Variants in ST6GALNAC5 observed in about 807,000 individuals in gnomAD.
ST6GALNAC5 encodes the protein ST6 N-acetylgalactosaminide alpha-2,6-sialyltransferase 5, also known as alpha-N-acetylgalactosaminide alpha-2,6-sialyltransferase 5.
Under a neutral mutation model 33.6 loss-of-function variants are expected in ST6GALNAC5, and 27 were observed. The ratio of observed to expected loss-of-function variants is 0.80; its 90% CI spans 0.59 to 1.11. The LOEUF is 1.11. Ranked by LOEUF, ST6GALNAC5 falls within the 50% of genes least tolerant of loss-of-function variation. ST6GALNAC5 has a pLI of 0.00. For missense variants in ST6GALNAC5, 428 were observed against 454.0 expected (o/e 0.94, Z 0.52); for synonymous variants, 194 against 171.2 (o/e 1.13, Z -1.04).
At chr1:76,977,104 C>T (rs887009408) in intron 2 of ST6GALNAC5, among the ~76,000 whole-genome samples, 1 of 152,174 alleles carries the variant, frequency 6.6e-6, no homozygotes, top group African/African-American at 2.4e-5. Context: ...TCTCTTTCTT[C>T]ACTTATTTTT....
chr1:76,868,591 CGCA>C lies in ST6GALNAC5; in HGVS notation c.132_134del (p.Gln49del), dbSNP rs113832855. 4.6e-4 allele frequency: 731 copies of C among 1,591,114 alleles called. 14 individuals are homozygous for C. In the African/African-American group the frequency reaches 5.8e-3, roughly 13 times the overall value. On this transcript the variant is annotated inframe_deletion, in exon 2 of 5. Coordinates refer to ENST00000477717, the MANE Select transcript of ST6GALNAC5 (RefSeq NM_030965.3). The surrounding 1 kb of genome is among the most constrained non-coding windows in gnomAD (Gnocchi z 4.3). Reference sequence around the variant, plus strand: ...CTCGGCGGCCAGAAGGAGCGGCCCCCGCAGCAGCAGCAGCAGCAGCAGCAACAG... The same window carrying C: ...CTCGGCGGCCAGAAGGAGCGGCCCCCGCAGCAGCAGCAGCAGCAGCAACAG...
chr1:77,060,553 CT>C (rs1652542306), intron 4 of ST6GALNAC5, among the ~76,000 whole-genome samples: 1 of 152,240 alleles, frequency 6.6e-6, no homozygotes, highest in Admixed American at 6.5e-5. Context: ...CCAGAAAGCA[CT>C]TTTCTGCTGC....
intron 2 of ST6GALNAC5, among the ~76,000 whole-genome samples, chr1:77,037,900 A>G (rs1384467854): frequency 6.6e-6 from 1 of 152,174 alleles, no homozygotes; most frequent in Non-Finnish European, 1.5e-5. Context: ...AGGTATCAAG[A>G]AAGATCCTTG....
intron 2 of ST6GALNAC5, among the ~76,000 whole-genome samples, chr1:77,011,830 GATA>G (rs1390561684): frequency 2.0e-5 from 3 of 152,020 alleles, no homozygotes; most frequent in Non-Finnish European, 2.9e-5. Context: ...TAGTGATAAT[GATA>G]ATAATATAGT....
At chr1:76,999,104 A>T (rs978436642) in intron 2 of ST6GALNAC5, among the ~76,000 whole-genome samples, 1 of 152,106 alleles carries the variant, frequency 6.6e-6, no homozygotes, top group African/African-American at 2.4e-5. Context: ...TTTTGGATTC[A>T]ATGTGATATT....
chr1:76,914,916 G>A (rs1403140284), intron 2 of ST6GALNAC5, among the ~76,000 whole-genome samples: 1 of 151,936 alleles, frequency 6.6e-6, no homozygotes, highest in African/African-American at 2.4e-5. Context: ...CCTACAAAAT[G>A]GGAGAAAATT....
intron 2 of ST6GALNAC5, among the ~76,000 whole-genome samples, chr1:76,958,599 G>GT (rs1347742960): frequency 6.6e-6 from 1 of 152,042 alleles, no homozygotes; most frequent in East Asian, 1.9e-4. Context: ...ACACAGTGAA[G>GT]TTTTTTGTTG....
intron 2 of ST6GALNAC5, among the ~76,000 whole-genome samples, chr1:76,929,133 CA>C (rs1474693230): frequency 6.6e-6 from 1 of 152,098 alleles, no homozygotes; most frequent in Non-Finnish European, 1.5e-5. Context: ...CAGTGAGTTA[CA>C]ATCTCATGAA....
chr1:76,989,907 G>A lies in ST6GALNAC5; in HGVS notation c.262-54297G>A, dbSNP rs115609003. ...GCGGGAAGGAAATTGTTAGTAGTGT[G>A]TTCTGAGATCTGTCATGGCTGGTCT... On this transcript the variant is annotated intron_variant, in intron 2 of 4. Coordinates refer to ENST00000477717, the MANE Select transcript of ST6GALNAC5 (RefSeq NM_030965.3). Among the ~76,000 whole-genome samples the A allele has an allele frequency of 3.5e-3, 529 of 152,218 alleles. 4 individuals carry two copies. Among genetic ancestry groups the A allele is most frequent in the African/African-American group, 0.012 (494 of 41,540 alleles).
chr1:76,910,777 A>G (rs1023897334), intron 2 of ST6GALNAC5, among the ~76,000 whole-genome samples: 5 of 152,054 alleles, frequency 3.3e-5, no homozygotes, highest in Non-Finnish European at 7.4e-5. Context: ...ACAAAGACAC[A>G]GACAGTGGAA....
intron 2 of ST6GALNAC5, among the ~76,000 whole-genome samples, chr1:76,947,455 G>T (rs912103889): frequency 1.2e-4 from 18 of 152,196 alleles, no homozygotes; most frequent in South Asian, 4.2e-4. Flanking sequence ...ACTTTGAGAG[G>T]CCAGACATGG....
intron 2 of ST6GALNAC5, among the ~76,000 whole-genome samples, chr1:76,933,672 G>A (rs1647166898): frequency 6.7e-6 from 1 of 148,778 alleles, no homozygotes; most frequent in Non-Finnish European, 1.5e-5. Flanking sequence ...CTCTAAGTCA[G>A]GAGAAATAAC....
At chr1:77,042,606 G>A (rs1651867587) in intron 2 of ST6GALNAC5, among the ~76,000 whole-genome samples, 1 of 152,126 alleles carries the variant, frequency 6.6e-6, no homozygotes, top group Admixed American at 6.5e-5. Context: ...TCTTCTAAAT[G>A]GGTGATAGGA....
chr1:76,970,231 A>C (rs1648689316), intron 2 of ST6GALNAC5, among the ~76,000 whole-genome samples: 1 of 152,118 alleles, frequency 6.6e-6, no homozygotes, highest in Non-Finnish European at 1.5e-5. Flanking sequence ...AATAGGCTTC[A>C]GAAGGTCGGT....
chr1:76,915,135 A>G (rs1646957052), intron 2 of ST6GALNAC5, among the ~76,000 whole-genome samples: 2 of 151,844 alleles, frequency 1.3e-5, no homozygotes, highest in African/African-American at 2.4e-5. Context: ...AATCAAAACC[A>G]CAATGAGATA....
At chr1:77,009,236 AATTG>A (rs1650540205) in intron 2 of ST6GALNAC5, among the ~76,000 whole-genome samples, 1 of 152,158 alleles carries the variant, frequency 6.6e-6, no homozygotes, top group Non-Finnish European at 1.5e-5. Context: ...CCAAGCTGTA[AATTG>A]ATTGAATCTT....
At chr1:77,056,110 G>A in intron 4 of ST6GALNAC5, among the ~76,000 whole-genome samples, 1 of 152,118 alleles carries the variant, frequency 6.6e-6, no homozygotes, top group Non-Finnish European at 1.5e-5. Flanking sequence ...CAGACTTCAG[G>A]CACATCAAAG....
chr1:76,972,380 G>A (rs1648796143), intron 2 of ST6GALNAC5, among the ~76,000 whole-genome samples: 3 of 151,998 alleles, frequency 2.0e-5, no homozygotes, highest in Admixed American at 1.3e-4. Context: ...GATTTGTGTG[G>A]GGACACAGCC....
intron 2 of ST6GALNAC5, among the ~76,000 whole-genome samples, chr1:76,999,248 T>G: frequency 6.6e-6 from 1 of 152,154 alleles, no homozygotes; most frequent in East Asian, 1.9e-4. Flanking sequence ...AAAAAGGGAT[T>G]TAGGTACTGA....
Sources: allele counts gnomAD v4.1 joint callset (sites outside exome capture counted in the v4.1 genomes callset), GRCh38; gene constraint gnomAD v4.1.1; non-coding constraint Gnocchi (gnomAD v3.1); transcripts MANE v1.5; gene names NCBI Gene and HGNC (gene_info 2026-07-23, HGNC 2026-07-21).